Variants in EIPR1 observed in about 807,000 individuals in gnomAD.
EIPR1 encodes EARP and GARP complex-interacting protein 1.
EIPR1 carries 25 observed loss-of-function variants against 48.1 expected under a neutral mutation model. The ratio of observed to expected loss-of-function variants is 0.52; its 90% confidence interval spans 0.38 to 0.73. The LOEUF is 0.73. EIPR1 is among the 30% of genes least tolerant of loss of function. The pLI, the probability that EIPR1 is intolerant of heterozygous loss-of-function variation, is 0.00. For synonymous variants in EIPR1, 204 were observed against 201.9 expected, an observed-to-expected ratio of 1.01 and a Z score of -0.09; for missense variants, 415 against 506.2, an observed-to-expected ratio of 0.82 and a Z score of 1.73.
chr2:3,377,480 G>T, intron 1 of EIPR1, 168 bp downstream of exon 1: 1 of 835,238 alleles, frequency 1.2e-6, no homozygotes, highest in Non-Finnish European at 1.8e-6. Context: ...CAGTACAACC[G>T]TTTAACCTCC....
chr2:3,245,194 CGT>C (rs1572348689), intron 4 of EIPR1, among the ~76,000 whole-genome samples: 2 of 28,666 alleles, frequency 7.0e-5, no homozygotes, highest in East Asian at 5.3e-3. Flanking sequence ...TTTACCGTTG[CGT>C]TGCGTTGCGT....
chr2:3,332,472 G>T (rs1054273495), intron 3 of EIPR1, among the ~76,000 whole-genome samples: 1 of 152,214 alleles, frequency 6.6e-6, no homozygotes, highest in Admixed American at 6.5e-5. Flanking sequence ...ATTGAGACCT[G>T]AAGGTTGTGC....
intron 3 of EIPR1, among the ~76,000 whole-genome samples, chr2:3,309,678 G>GT (rs1669061968): frequency 6.6e-6 from 1 of 152,160 alleles, no homozygotes; most frequent in African/African-American, 2.4e-5. Context: ...GGAGGTGGGA[G>GT]TGGAGGGCAT....
intron 2 of EIPR1, among the ~76,000 whole-genome samples, chr2:3,339,929 G>C (rs527739815): frequency 2.0e-5 from 3 of 152,232 alleles, no homozygotes; most frequent in Non-Finnish European, 2.9e-5. Flanking sequence ...CAGCCTGGGC[G>C]ACAGAGCGAG....
chr2:3,354,926 C>A (rs1670684713), intron 1 of EIPR1, among the ~76,000 whole-genome samples: 2 of 152,142 alleles, frequency 1.3e-5, no homozygotes, highest in African/African-American at 4.8e-5. Context: ...TTTAGTAAAA[C>A]TATTATTTCA....
chr2:3,248,459 TG>T (rs1666907985), intron 4 of EIPR1, among the ~76,000 whole-genome samples: 1 of 152,028 alleles, frequency 6.6e-6, no homozygotes, highest in South Asian at 2.1e-4. Flanking sequence ...CCAGGCGTGG[TG>T]GTGGGCGCCT....
intron 5 of EIPR1, among the ~76,000 whole-genome samples, chr2:3,201,139 C>T (rs1448717117): frequency 1.3e-5 from 2 of 152,174 alleles, no homozygotes; most frequent in East Asian, 1.9e-4. Flanking sequence ...ACACCTGCTC[C>T]GTTTCTCTTT....
chr2:3,280,809 C>A (rs1667991562), intron 3 of EIPR1, among the ~76,000 whole-genome samples: 1 of 152,186 alleles, frequency 6.6e-6, no homozygotes, highest in South Asian at 2.1e-4. Context: ...GGAGAGGCAG[C>A]TCCTCTCAGC....
At chr2:3,337,140 GAAGGGAAGGGAA>G (rs959865476) in intron 3 of EIPR1, among the ~76,000 whole-genome samples, 8 of 151,582 alleles carry the variant, frequency 5.3e-5, no homozygotes, top group African/African-American at 1.2e-4. Flanking sequence ...AGGGAACAGG[GAAGGGAAGGGAA>G]AAGGGAAGGG....
rs555511358 is a variant in EIPR1, at chr2:3,312,082, C to T, written c.259+25935G>A. On this transcript the variant is annotated intron_variant, in intron 3 of 8. Coordinates refer to ENST00000382125, the MANE Select transcript of EIPR1 (RefSeq NM_003310.5). The surrounding 1 kb of genome is among the most constrained non-coding windows in gnomAD (Gnocchi z 5.5). The stretch of plus-strand genomic sequence containing the variant: ...AGATAACTGTGTGTTGGAGCCACAA[C>T]ACACAGTTATCCCCTCTGTCTGATA... Among the ~76,000 whole-genome samples the T allele has an allele frequency of 1.3e-5, 2 of 152,138 alleles. No homozygotes were observed. The highest frequency in any genetic ancestry group is 2.9e-5 in the Non-Finnish European group (2 of 67,968).
At chr2:3,351,086 T>C (rs1670562730) in intron 2 of EIPR1, among the ~76,000 whole-genome samples, 1 of 150,444 alleles carries the variant, frequency 6.6e-6, no homozygotes, top group African/African-American at 2.4e-5. Flanking sequence ...GCAACCTCCA[T>C]CTTCCCAGTT....
intron 3 of EIPR1, among the ~76,000 whole-genome samples, chr2:3,318,427 T>C (rs12619610): frequency 0.066 from 10,104 of 152,234 alleles, 353 homozygotes; most frequent in African/African-American, 0.078. Context: ...GAAGGAGCCA[T>C]AAACAGCACA....
intron 2 of EIPR1, among the ~76,000 whole-genome samples, chr2:3,341,095 CAAAAAAAAAAA>C (rs55667121): frequency 2.3e-4 from 5 of 22,198 alleles, no homozygotes; most frequent in Non-Finnish European, 5.0e-4. Flanking sequence ...GATCCTGTCT[CAAAAAAAAAAA>C]AAAAAAAAAA....
At chr2:3,253,680 G>T (rs1667070438) in intron 4 of EIPR1, among the ~76,000 whole-genome samples, 1 of 152,208 alleles carries the variant, frequency 6.6e-6, no homozygotes, top group Non-Finnish European at 1.5e-5. Context: ...GTGTTCTGGG[G>T]GGCACACTGG....
chr2:3,324,024 C>T (rs531322327), intron 3 of EIPR1, among the ~76,000 whole-genome samples: 88 of 152,274 alleles, frequency 5.8e-4, no homozygotes, highest in African/African-American at 2.0e-3. Flanking sequence ...AAAACAATGA[C>T]GGGACAGAAC....
Position 3,189,201 on chromosome 2 carries a change from CA to C in EIPR1, c.*132del. On this transcript the variant is annotated 3_prime_UTR_variant, in exon 9 of 9. Transcript: ENST00000382125. This position sits in a 1 kb window ranked among gnomAD's most constrained non-coding sequence, Gnocchi z 4.6. ...ACCCCATTCATAAATGCTGCTGCTA[CA>C]GGAAGGGAACAGCGGCTCTCCCAGA... The C allele has an allele frequency of 1.0e-6, 1 of 963,664 alleles. No individual in the cohort carries two copies. Among genetic ancestry groups the C allele is most frequent in the Non-Finnish European group, 1.5e-6 (1 of 689,508 alleles). 59.7% of individuals were successfully genotyped at this position (963,664 alleles called of 1,614,324 possible).
intron 3 of EIPR1, among the ~76,000 whole-genome samples, chr2:3,305,230 C>T (rs1370159084): frequency 1.4e-5 from 2 of 144,436 alleles, no homozygotes; most frequent in African/African-American, 2.6e-5. Context: ...CCTCCAATCC[C>T]GTCCAGTTCA....
chr2:3,208,691 C>A, intron 5 of EIPR1: 1 of 1,550,550 alleles, frequency 6.4e-7, no homozygotes, highest in Non-Finnish European at 8.7e-7. Flanking sequence ...CCAATTCCCC[C>A]AGGAAACACT....
At chr2:3,361,149 C>T (rs1373825921) in intron 1 of EIPR1, among the ~76,000 whole-genome samples, 1 of 152,134 alleles carries the variant, frequency 6.6e-6, no homozygotes, top group African/African-American at 2.4e-5. Flanking sequence ...TTTCTGAGAG[C>T]CCAGAAGCCC....
Sources: gnomAD v4.1 joint callset for allele counts (sites outside exome capture counted in the v4.1 genomes callset) on GRCh38, gnomAD v4.1.1 for gene constraint, Gnocchi (gnomAD v3.1) non-coding constraint, MANE v1.5 for transcripts, NCBI Gene and HGNC (gene_info 2026-07-23, HGNC 2026-07-21) for gene names.